The following AGBL1 variants were observed in gnomAD, a reference collection of about 807,000 sequenced individuals.
The protein encoded by AGBL1 is cytosolic carboxypeptidase 4.
AGBL1 carries 130 observed loss-of-function variants against 118.9 expected under a neutral mutation model. That is an observed-to-expected ratio of 1.09 (90% confidence interval 0.95 to 1.26). The LOEUF (loss-of-function observed/expected upper bound fraction) is 1.26, where lower values mean the gene tolerates loss of function less well. AGBL1 is among the 50% of genes most tolerant of loss of function. AGBL1 has a pLI of 0.00. For missense variants in AGBL1, 1,584 were observed against 1,298.1 expected (o/e 1.22, Z -3.38); for synonymous variants, 555 against 478.9 (o/e 1.16, Z -2.08).
At chr15:86,917,604 C>T (rs957002236), downstream of AGBL1, among the ~76,000 whole-genome samples, 2 of 152,160 alleles carry the variant, frequency 1.3e-5, no homozygotes, top group Non-Finnish European at 2.9e-5. This position sits in a 1 kb window ranked among gnomAD's most constrained non-coding sequence, Gnocchi z 4.8. Context: ...TGTTCCAGGC[C>T]TTGTCATTGC....
chr15:86,509,774 G>A (rs1350069300), intron 18 of AGBL1, among the ~76,000 whole-genome samples: 4 of 151,844 alleles, frequency 2.6e-5, no homozygotes, highest in African/African-American at 7.3e-5. Context: ...CCTTTACCTA[G>A]AATTAGCATT....
At chr15:86,792,620 C>T (rs144187250) in intron 22 of AGBL1, among the ~76,000 whole-genome samples, 99 of 152,142 alleles carry the variant, frequency 6.5e-4, no homozygotes, top group African/African-American at 2.2e-3. Flanking sequence ...TCTACCTGGC[C>T]TGCACCTTTA....
rs557561175 is a variant in AGBL1 at position 86,698,460 on chromosome 15, C to T, written c.3158+24024C>T. On this transcript the variant is annotated intron_variant, in intron 22 of 22. Transcript: ENST00000614907. ...TTCAATTTCCACGTTCTTTCCCTTC[C>T]CTATACCATGCTGCATACCCACCTG... is the stretch of plus-strand genomic sequence containing the variant. Among the ~76,000 whole-genome samples, 2 of 152,070 alleles carry T rather than the reference C, an allele frequency of 1.3e-5. 1 individual carries two copies. The highest frequency in any genetic ancestry group is 4.1e-4 in the South Asian group (2 of 4,822).
chr15:86,266,036 A>G (rs749019857), intron 11 of AGBL1, among the ~76,000 whole-genome samples: 5 of 152,190 alleles, frequency 3.3e-5, no homozygotes, highest in Non-Finnish European at 5.9e-5. Flanking sequence ...TTCTCAGTGC[A>G]AACTACCCTC....
chr15:86,368,419 C>A (rs1019861), intron 17 of AGBL1, among the ~76,000 whole-genome samples: 1 of 151,886 alleles, frequency 6.6e-6, no homozygotes, highest in Admixed American at 6.6e-5. Flanking sequence ...CTCTATATGA[C>A]ATCAAATATA....
At chr15:87,027,102 C>G (rs1263646066) in intron 24 of AGBL1, among the ~76,000 whole-genome samples, 1 of 151,840 alleles carries the variant, frequency 6.6e-6, no homozygotes, top group African/African-American at 2.4e-5. Flanking sequence ...ACTCATGTCA[C>G]CAAACACCAC....
At position 87,014,976 on chromosome 15, in the gene AGBL1, A is replaced by C. The variant is rs185252450; in HGVS notation, c.3324-13849A>C. ...AGAAGATTTTTATGTGAGTTGGTGG[A>C]CTGAGTGGTGAAGATTGCGCTCAAT... On this transcript the variant is annotated intron_variant, in intron 24 of 24. Transcript: ENST00000441037. Among the ~76,000 whole-genome samples the C allele has an allele frequency of 2.0e-5, 3 of 152,194 alleles. No homozygotes were observed. The East Asian group carries it at 5.8e-4, about 29-fold the overall frequency.
chr15:86,485,019 C>T (rs1432929228), intron 18 of AGBL1, among the ~76,000 whole-genome samples: 20 of 152,106 alleles, frequency 1.3e-4, no homozygotes. Flanking sequence ...GAACCTTAGT[C>T]ATCTTTGAGA....
At chr15:86,916,705 C>T (rs146923147), downstream of AGBL1, among the ~76,000 whole-genome samples, 497 of 152,286 alleles carry the variant, frequency 3.3e-3, 4 homozygotes, top group East Asian at 0.011. Flanking sequence ...CTGGACCACA[C>T]GAAATCTAAC....
intron 7 of AGBL1, among the ~76,000 whole-genome samples, chr15:86,248,794 C>T (rs1382532784): frequency 1.3e-5 from 2 of 152,092 alleles, no homozygotes; most frequent in African/African-American, 2.4e-5. Context: ...TTTCATATCG[C>T]ACTGTGAAAT....
intron 22 of AGBL1, among the ~76,000 whole-genome samples, chr15:86,722,042 G>A (rs1178576308): frequency 6.6e-6 from 1 of 152,032 alleles, no homozygotes; most frequent in African/African-American, 2.4e-5. Flanking sequence ...CCATGCTCAT[G>A]GGTAGGAAGA....
chr15:86,459,622 CTCA>C (rs1330713664), intron 18 of AGBL1, among the ~76,000 whole-genome samples: 1 of 152,018 alleles, frequency 6.6e-6, no homozygotes, highest in Non-Finnish European at 1.5e-5. Flanking sequence ...TTATTGATCA[CTCA>C]TCATGCCCCA....
chr15:86,234,536 G>T (rs966501598), intron 6 of AGBL1, among the ~76,000 whole-genome samples: 5 of 135,094 alleles, frequency 3.7e-5, no homozygotes, highest in Admixed American at 1.5e-4. Flanking sequence ...GGGCGACAGA[G>T]TGAGACTCTA....
In AGBL1 at chr15:86,909,802, T is replaced by G. The variant is rs1405866270; in HGVS notation, c.*2508T>G. ...ATGATGCTAGCTTATCATTAATTAT[T>G]ATTTCAGCCCAAATTAGTTTTGGGG... On this transcript the variant is annotated 3_prime_UTR_variant, in exon 23 of 23. Transcript: ENST00000614907. The G allele has an allele frequency of 6.6e-6, 1 of 152,208 alleles. No homozygotes were observed. Among genetic ancestry groups the G allele is most frequent in the Non-Finnish European group, 1.5e-5 (1 of 68,032 alleles). The allele number at this position is 152,208 out of a possible 1,614,324, so 9.4% of individuals were successfully genotyped here.
intron 22 of AGBL1, among the ~76,000 whole-genome samples, chr15:86,736,170 C>T (rs994593828): frequency 3.9e-5 from 6 of 152,200 alleles, no homozygotes; most frequent in African/African-American, 1.4e-4. Flanking sequence ...ATCACGAGGT[C>T]AGGACATCAA....
intron 22 of AGBL1, among the ~76,000 whole-genome samples, chr15:86,777,682 G>T (rs1196043336): frequency 6.6e-6 from 1 of 152,010 alleles, no homozygotes; most frequent in Non-Finnish European, 1.5e-5. Context: ...GGCCAAACAT[G>T]TTTTTTACAT....
chr15:86,418,793 CCT>C (rs2081740167), intron 18 of AGBL1, among the ~76,000 whole-genome samples: 1 of 152,084 alleles, frequency 6.6e-6, no homozygotes, highest in African/African-American at 2.4e-5. Context: ...TCTTACCTGT[CCT>C]CAGAATAGAT....
At chr15:86,578,742 GCT>G (rs2084132232) in intron 21 of AGBL1, among the ~76,000 whole-genome samples, 1 of 152,162 alleles carries the variant, frequency 6.6e-6, no homozygotes, top group Non-Finnish European at 1.5e-5. Context: ...CCCTACACGA[GCT>G]CTCTCTTTTT....
chr15:86,685,105 G>C (rs914955915), intron 22 of AGBL1, among the ~76,000 whole-genome samples: 1 of 152,146 alleles, frequency 6.6e-6, no homozygotes, highest in Non-Finnish European at 1.5e-5. Flanking sequence ...CCAACATCTA[G>C]CATCCAAAGT....
Sources: allele counts gnomAD v4.1 joint callset (sites outside exome capture counted in the v4.1 genomes callset), GRCh38; gene constraint gnomAD v4.1.1; non-coding constraint Gnocchi (gnomAD v3.1); transcripts MANE v1.5; gene names NCBI Gene and HGNC (gene_info 2026-07-23, HGNC 2026-07-21).